The following NSUN2 variants were observed in gnomAD, a reference collection of about 807,000 sequenced individuals.
NSUN2 encodes NOP2/Sun RNA methyltransferase 2.
NSUN2 carries 63 observed loss-of-function variants against 92.7 expected under a neutral mutation model. That is an observed-to-expected ratio of 0.68 (90% CI 0.56 to 0.84). The LOEUF (loss-of-function observed/expected upper bound fraction) is 0.84, where lower values mean the gene tolerates loss of function less well. NSUN2 is among the 40% of genes least tolerant of loss of function. NSUN2 has a pLI of 0.00. For synonymous variants in NSUN2, 356 were observed against 348.3 expected, an observed-to-expected ratio of 1.02 and a Z score of -0.25; for missense variants, 989 against 964.9, an observed-to-expected ratio of 1.02 and a Z score of -0.33.
intron 7 of NSUN2, 108 bp downstream of exon 7, chr5:6,619,998 C>G (rs1242286004): frequency 1.0e-5 from 10 of 972,552 alleles, no homozygotes; most frequent in South Asian, 1.9e-5. Flanking sequence ...TCTCCGCACC[C>G]CAAGACTTAT....
chr5:6,605,067 C>G (rs191049951), intron 15 of NSUN2: 1 of 686,610 alleles, frequency 1.5e-6, no homozygotes, highest in African/African-American at 1.8e-5. Context: ...AAGACACAGG[C>G]CACCAGATTC....
intron 4 of NSUN2, among the ~76,000 whole-genome samples, chr5:6,624,258 C>T (rs6874005): frequency 0.34 from 52,073 of 152,080 alleles, 9,129 homozygotes; most frequent in Middle Eastern, 0.44. Context: ...TTGATTAAAG[C>T]ATTAAGTAAG....
intron 14 of NSUN2, among the ~76,000 whole-genome samples, 179 bp downstream of exon 14, chr5:6,606,635 TAAATTA>T (rs1736783856): frequency 6.8e-6 from 1 of 146,586 alleles, no homozygotes; most frequent in Non-Finnish European, 1.5e-5. Flanking sequence ...ACTTTCTCCT[TAAATTA>T]AAAGATTGAG....
chr5:6,611,158 T>C (rs1736974115), intron 10 of NSUN2, 73 bp from the exon 11 acceptor site: 9 of 1,529,496 alleles, frequency 5.9e-6, no homozygotes, highest in Non-Finnish European at 8.1e-6. Flanking sequence ...GGCAGGAGTA[T>C]CCATTCTCTC....
chr5:6,601,325 T>A (rs1736547281), intron 18 of NSUN2, among the ~76,000 whole-genome samples: 1 of 143,090 alleles, frequency 7.0e-6, no homozygotes, highest in Non-Finnish European at 1.5e-5. Context: ...CATTTCTGAG[T>A]CTTTGTTCAA....
At chr5:6,625,966 G>T (rs745700473) in intron 3 of NSUN2, among the ~76,000 whole-genome samples, 1 of 151,968 alleles carries the variant, frequency 6.6e-6, no homozygotes, top group Non-Finnish European at 1.5e-5. Flanking sequence ...ATGAAAAAGC[G>T]GACACTCCTC....
At chr5:6,600,996 C>A (rs1736531561) in intron 18 of NSUN2, among the ~76,000 whole-genome samples, 1 of 151,640 alleles carries the variant, frequency 6.6e-6, no homozygotes, top group Non-Finnish European at 1.5e-5. Context: ...TGCACACGCC[C>A]TCTCTCAACT....
chr5:6,602,521 C>T lies in NSUN2; in HGVS notation c.1958-21G>A, dbSNP rs559591787. ...CTTTGCTGGAAAAGAAACAGACACA[C>T]ATTTGCCAGGTTTTCCAGGTAGTGG... On this transcript the variant is annotated intron_variant, in intron 17 of 18. Coordinates refer to ENST00000264670, the MANE Select transcript of NSUN2 (RefSeq NM_017755.6). The T allele has an allele frequency of 5.6e-6, 9 of 1,614,138 alleles. No homozygotes were observed. The African/African-American group carries it at 1.2e-4, about 22-fold the overall frequency.
At chr5:6,611,586 A>G in intron 10 of NSUN2, 139 bp downstream of exon 10, 1 of 683,594 alleles carries the variant, frequency 1.5e-6, no homozygotes, top group Non-Finnish European at 2.5e-6. Context: ...ATGAAATAAC[A>G]CTCCGAAATT....
At chr5:6,609,996 C>A in intron 11 of NSUN2, 74 bp from the exon 12 acceptor site, 2 of 992,214 alleles carry the variant, frequency 2.0e-6, no homozygotes, top group South Asian at 1.7e-5. Flanking sequence ...ACAAATACCG[C>A]AAAGATGATA....
At chr5:6,607,741 G>A (rs372600707) in intron 12 of NSUN2, among the ~76,000 whole-genome samples, 8 of 152,150 alleles carry the variant, frequency 5.3e-5, no homozygotes, top group African/African-American at 1.9e-4. Flanking sequence ...CACCAAGCAC[G>A]ATTTCTAAAA....
In NSUN2 at chr5:6,632,679, C is replaced by T. The variant is rs745966593; in HGVS notation, c.174G>A (p.Val58=). Reference sequence around the variant, plus strand: ...TGAACTGGCCCCACTCGCCCTCGGGCACGATCTTGAGCTCCTGGTAGTAGT... The same window carrying T: ...TGAACTGGCCCCACTCGCCCTCGGGTACGATCTTGAGCTCCTGGTAGTAGT... ...FEHYYQELKI[V]PEGEWGQFMD... is the part of the protein sequence containing the mutation. Residue 58 remains valine (V), a synonymous_variant, in exon 2 of 19, where the codon GTG becomes GTA. Transcript: ENST00000264670. 19 of 1,614,086 alleles carry T rather than the reference C, an allele frequency of 1.2e-5. No homozygotes were observed. Among genetic ancestry groups the T allele is most frequent in the African/African-American group, 2.7e-5 (2 of 74,938 alleles).
At position 6,632,182 on chromosome 5, in the gene NSUN2, T is replaced by G. The variant is rs166049; in HGVS notation, c.255-205A>C. On this transcript the variant is annotated intron_variant, in intron 2 of 18. Transcript: ENST00000264670. ...TTGAGCCCTAAGAGCAACACTGCAT[T>G]CCTTCTCTCCTAAGCATATCCTACC... Among the ~76,000 whole-genome samples the G allele has an allele frequency of 0.17, 26,366 of 150,844 alleles. 2,543 individuals are homozygous for G. Among genetic ancestry groups the G allele is most frequent in the African/African-American group, 0.24 (9,804 of 40,842 alleles).
At chr5:6,612,748 G>A (rs1468743246) in intron 9 of NSUN2, among the ~76,000 whole-genome samples, 1 of 152,216 alleles carries the variant, frequency 6.6e-6, no homozygotes, top group African/African-American at 2.4e-5. Flanking sequence ...AACAGTAAAT[G>A]ACAGTGCAGG....
chr5:6,612,743 T>C (rs1192851765), intron 9 of NSUN2, among the ~76,000 whole-genome samples: 1 of 152,192 alleles, frequency 6.6e-6, no homozygotes, highest in South Asian at 2.1e-4. Context: ...AAGCTAACAG[T>C]AAATGACAGT....
rs114072198 is a variant in NSUN2, at chr5:6,610,149, C to T, written c.1227-227G>A. 8.6e-3 allele frequency among the ~76,000 whole-genome samples: 1,315 copies of T among 152,028 alleles called. 17 individuals are homozygous for T. Among genetic ancestry groups the T allele is most frequent in the African/African-American group, 0.03 (1,225 of 41,448 alleles). ...TGTGATCTCAACCCACTGTAGCCTCCGCCTCCTGGGCTCAGGAGATCCTCC... is the reference window on the plus strand; with the variant it reads ...TGTGATCTCAACCCACTGTAGCCTCTGCCTCCTGGGCTCAGGAGATCCTCC... On this transcript the variant is annotated intron_variant, in intron 11 of 18. Coordinates refer to ENST00000264670, the MANE Select transcript of NSUN2 (RefSeq NM_017755.6).
In NSUN2 at chr5:6,632,973, G is replaced by A. The variant is rs1738001887; in HGVS notation, c.7C>T (p.Arg3Trp). 2 of 1,472,434 alleles carry A rather than the reference G, an allele frequency of 1.4e-6. No homozygotes were observed. Among genetic ancestry groups the A allele is most frequent in the African/African-American group, 1.5e-5 (1 of 67,842 alleles). The allele number at this position is 1,472,434 out of a possible 1,614,324, so 91.2% of individuals were successfully genotyped here. A position where few individuals can be genotyped will look rare whatever the true frequency, so the allele number is the denominator to read the frequency against. ...TGGAGCCGCCGACCCCGCGACCGCCGCCCCATAGCCCACGCGGCCGCGCAC... is the reference window on the plus strand; with the variant it reads ...TGGAGCCGCCGACCCCGCGACCGCCACCCCATAGCCCACGCGGCCGCGCAC... Reference protein sequence around the residue: MGRRSRGRRLQQQ... With the variant: MGWRSRGRRLQQQ... Residue 3 changes from arginine (R) to tryptophan (W), a missense_variant, in exon 1 of 19, where the codon CGG becomes TGG. Transcript: ENST00000264670.
intron 15 of NSUN2, 55 bp downstream of exon 15, chr5:6,605,218 G>A: frequency 6.3e-7 from 1 of 1,599,482 alleles, no homozygotes; most frequent in South Asian, 1.1e-5. Flanking sequence ...AAGCCGCTGT[G>A]AAAAGCCACA....
chr5:6,609,721 G>C (rs1358805942), intron 12 of NSUN2, 105 bp downstream of exon 12: 1 of 849,582 alleles, frequency 1.2e-6, no homozygotes, highest in African/African-American at 1.7e-5. Flanking sequence ...GCTGCCCACA[G>C]CAAGAAGCTC....
Sources: allele counts gnomAD v4.1 joint callset (sites outside exome capture counted in the v4.1 genomes callset), GRCh38; gene constraint gnomAD v4.1.1; transcripts MANE v1.5; gene names NCBI Gene and HGNC (gene_info 2026-07-23, HGNC 2026-07-21).